The following RYR2 variants were observed in gnomAD, a reference collection of about 807,000 sequenced individuals.
The protein encoded by RYR2 is cardiac muscle ryanodine receptor-calcium release channel.
Under a neutral mutation model 601.1 loss-of-function variants are expected in RYR2, and 227 were observed. The ratio of observed to expected loss-of-function variants is 0.38; its 90% confidence interval spans 0.34 to 0.42. The LOEUF (loss-of-function observed/expected upper bound fraction) is 0.42, where lower values mean the gene tolerates loss of function less well. Ranked by LOEUF, RYR2 falls within the 10% of genes least tolerant of loss-of-function variation. The pLI is 1.00. For missense variants in RYR2, 4,646 were observed against 6,156.5 expected (o/e 0.75, Z 8.21); for synonymous variants, 2,223 against 2,175.1 (o/e 1.02, Z -0.61).
intron 17 of RYR2, among the ~76,000 whole-genome samples, chr1:237,476,757 A>G (rs563929810): frequency 7.6e-4 from 115 of 152,198 alleles, no homozygotes; most frequent in African/African-American, 2.5e-3. Flanking sequence ...CCTCCTTGAT[A>G]TTTACTTAAG....
chr1:237,516,981 T>C (rs572400953), intron 24 of RYR2, among the ~76,000 whole-genome samples: 1 of 152,270 alleles, frequency 6.6e-6, no homozygotes, highest in Non-Finnish European at 1.5e-5. Context: ...CGTGCATTCA[T>C]TCATATTTTG....
chr1:237,626,149 C>G (rs1679624336), intron 40 of RYR2, among the ~76,000 whole-genome samples: 1 of 152,162 alleles, frequency 6.6e-6, no homozygotes, highest in Non-Finnish European at 1.5e-5. Context: ...ATTATTGCAT[C>G]AAATTAAACT....
chr1:237,591,907 A>T, intron 32 of RYR2, 54 bp downstream of exon 32: 1 of 1,208,296 alleles, frequency 8.3e-7, no homozygotes, highest in Non-Finnish European at 1.2e-6. Flanking sequence ...ATTATGTTTT[A>T]CATCTCCAGT....
chr1:237,458,027 G>A (rs893505720), intron 16 of RYR2, among the ~76,000 whole-genome samples: 1 of 152,070 alleles, frequency 6.6e-6, no homozygotes, highest in African/African-American at 2.4e-5. Context: ...CCACATCACA[G>A]TTTCCTGAAC....
At chr1:237,148,524 AAAAATATATAT>A (rs1292963992) in intron 1 of RYR2, among the ~76,000 whole-genome samples, 1 of 79,778 alleles carries the variant, frequency 1.3e-5, no homozygotes, top group Non-Finnish European at 2.3e-5. Context: ...GTAAAAAAAA[AAAAATATATAT>A]ATATATATAT....
chr1:237,084,685 C>T (rs1411346279), intron 1 of RYR2, among the ~76,000 whole-genome samples: 1 of 152,220 alleles, frequency 6.6e-6, no homozygotes, highest in Non-Finnish European at 1.5e-5. Context: ...TCACTGTTCC[C>T]AGTGTCACTG....
At chr1:237,607,555 C>T (rs1416243379) in intron 35 of RYR2, among the ~76,000 whole-genome samples, 1 of 151,750 alleles carries the variant, frequency 6.6e-6, no homozygotes, top group Non-Finnish European at 1.5e-5. Context: ...GCACATGTAC[C>T]CTAGAAGTTA....
chr1:237,155,963 G>A (rs916777730), intron 1 of RYR2, among the ~76,000 whole-genome samples: 5 of 152,170 alleles, frequency 3.3e-5, no homozygotes, highest in African/African-American at 9.7e-5. Flanking sequence ...CTAATCATGT[G>A]CTGTCCCTCT....
intron 1 of RYR2, among the ~76,000 whole-genome samples, chr1:237,056,357 G>A (rs1010006072): frequency 1.4e-5 from 2 of 148,114 alleles, no homozygotes; most frequent in Non-Finnish European, 3.0e-5. Flanking sequence ...CTGCACCTGT[G>A]AGGACTGGAG....
At chr1:237,256,288 T>C (rs962346894) in intron 1 of RYR2, among the ~76,000 whole-genome samples, 1 of 152,202 alleles carries the variant, frequency 6.6e-6, no homozygotes, top group African/African-American at 2.4e-5. Flanking sequence ...CATGGAACTG[T>C]GAGTCCATTA....
rs60885998 is a variant in RYR2 at position 237,626,580 on chromosome 1, CTTTTT to C, written c.6166+803_6166+807del. 9.3e-3 allele frequency among the ~76,000 whole-genome samples: 371 copies of C among 39,950 alleles called. 4 individuals are homozygous for C. The highest frequency in any genetic ancestry group is 0.033 in the African/African-American group (343 of 10,352). 26.2% of individuals were successfully genotyped at this position (39,950 alleles called of 152,430 possible). A position where few individuals can be genotyped will look rare whatever the true frequency, so the allele number is the denominator to read the frequency against. On this transcript the variant is annotated intron_variant, in intron 40 of 104. Transcript: ENST00000366574. ...TTCTTTTCTTTTTCTTTTTCTTTTTCTTTTTTTTTTTTTTTTTTTTTTTTTTTTTT... is the reference window on the plus strand; with the variant it reads ...TTCTTTTCTTTTTCTTTTTCTTTTTCTTTTTTTTTTTTTTTTTTTTTTTTT...
intron 71 of RYR2, among the ~76,000 whole-genome samples, chr1:237,713,714 A>AT (rs1411003909): frequency 2.0e-5 from 3 of 152,110 alleles, no homozygotes; most frequent in Admixed American, 6.5e-5. Flanking sequence ...ATCTCAAAAA[A>AT]ATATATATAG....
intron 1 of RYR2, among the ~76,000 whole-genome samples, chr1:237,150,559 G>GACA (rs753670210): frequency 1.3e-5 from 2 of 152,134 alleles, no homozygotes; most frequent in East Asian, 1.9e-4. Context: ...TGAAAACAAT[G>GACA]ACAACAACAA....
At chr1:237,331,475 C>A (rs1368812156) in intron 3 of RYR2, among the ~76,000 whole-genome samples, 4 of 151,910 alleles carry the variant, frequency 2.6e-5, no homozygotes, top group Non-Finnish European at 5.9e-5. Flanking sequence ...TTGCAAACAG[C>A]TAATCCTTCT....
At chr1:237,505,532 A>G (rs1665131552) in intron 22 of RYR2, among the ~76,000 whole-genome samples, 1 of 152,212 alleles carries the variant, frequency 6.6e-6, no homozygotes, top group African/African-American at 2.4e-5. Flanking sequence ...GTTCATGGCC[A>G]AAATTCAGTT....
intron 1 of RYR2, among the ~76,000 whole-genome samples, chr1:237,155,276 C>T (rs756804761): frequency 1.5e-4 from 22 of 149,942 alleles, no homozygotes; most frequent in East Asian, 5.9e-4. Flanking sequence ...CCCGAGTTCA[C>T]GCCACTCTCC....
chr1:237,712,580 AG>A (rs1291157408), intron 71 of RYR2, among the ~76,000 whole-genome samples: 1 of 152,066 alleles, frequency 6.6e-6, no homozygotes, highest in East Asian at 1.9e-4. Context: ...ACTCACCAAA[AG>A]TCAGTATAAT....
At chr1:237,343,821 GTT>G (rs201175386) in intron 3 of RYR2, among the ~76,000 whole-genome samples, 13 of 131,498 alleles carry the variant, frequency 9.9e-5, no homozygotes, top group South Asian at 7.6e-4. Flanking sequence ...GAGGTTTTTT[GTT>G]TTTTTTTTTT....
chr1:237,476,826 A>G (rs185308498), intron 17 of RYR2, among the ~76,000 whole-genome samples: 12 of 152,222 alleles, frequency 7.9e-5, no homozygotes, highest in South Asian at 6.2e-4. Context: ...TCTGAGATCC[A>G]TTATTAGTGA....
Sources: gnomAD v4.1 joint callset for allele counts (sites outside exome capture counted in the v4.1 genomes callset) on GRCh38, gnomAD v4.1.1 for gene constraint, MANE v1.5 for transcripts, NCBI Gene and HGNC (gene_info 2026-07-23, HGNC 2026-07-21) for gene names.